AKAIN1: variants seen among roughly 807,000 people sequenced by gnomAD.
The protein encoded by AKAIN1 is A-kinase anchor inhibitor 1, also known as A-kinase anchor protein inhibitor 1.
Under a neutral mutation model 3.7 loss-of-function variants are expected in AKAIN1, and 3 were observed. That is an observed-to-expected ratio of 0.82 (90% CI 0.37 to 2.12). AKAIN1 has a LOEUF of 2.12. Ranked by LOEUF, AKAIN1 falls within the 30% of genes most tolerant of loss-of-function variation. The pLI, the probability that AKAIN1 is intolerant of heterozygous loss-of-function variation, is 0.06. For missense variants in AKAIN1, 82 were observed against 82.7 expected (o/e 0.99, Z 0.03); for synonymous variants, 31 against 30.8 (o/e 1.01, Z -0.02).
chr18:5,152,160 C>T (rs528671784), intron 1 of AKAIN1, among the ~76,000 whole-genome samples: 10 of 152,312 alleles, frequency 6.6e-5, no homozygotes, highest in South Asian at 2.1e-4. Context: ...AGTCAGGCTG[C>T]GCTCTGGCCC....
Position 5,143,748 on chromosome 18 carries a change from A to G in AKAIN1, c.*1814T>C, listed in dbSNP as rs1189826400. On this transcript the variant is annotated 3_prime_UTR_variant, in exon 2 of 2. Transcript: ENST00000434239. ...ACACAGAGGTCAATAAGATGTTCCA[A>G]AAATTCCCAATTTTTTAGTACAGAC... Among the ~76,000 whole-genome samples the G allele has an allele frequency of 6.6e-6, 1 of 152,232 alleles. No individual in the cohort carries two copies. The highest frequency in any genetic ancestry group is 1.5e-5 in the Non-Finnish European group (1 of 68,034).
intron 1 of AKAIN1, among the ~76,000 whole-genome samples, chr18:5,157,389 A>C (rs2071114208): frequency 6.6e-6 from 1 of 152,192 alleles, no homozygotes; most frequent in Non-Finnish European, 1.5e-5. Context: ...CACTGTCTCA[A>C]ACAGCAGCTG....
chr18:5,188,459 C>T (rs1305467851), intron 1 of AKAIN1, among the ~76,000 whole-genome samples: 3 of 152,032 alleles, frequency 2.0e-5, no homozygotes, highest in East Asian at 3.9e-4. Flanking sequence ...TAAACCTCTC[C>T]GTGCTGCCCA....
At position 5,197,141 on chromosome 18, in the gene AKAIN1, G is replaced by A. The variant is rs1567882347; in HGVS notation, c.-88C>T. 6.5e-7 allele frequency: 1 copy of A among 1,534,792 alleles called. No homozygotes were observed. Among genetic ancestry groups the A allele is most frequent in the Non-Finnish European group, 8.8e-7 (1 of 1,142,510 alleles). ...AGAAGGCCGGACTTGGCGGGGTCCG[G>A]TGCAGGAGGGCGCGCTGGGCGGGCG... is the stretch of plus-strand genomic sequence containing the variant. On this transcript the variant is annotated 5_prime_UTR_variant, in exon 1 of 2. Transcript: ENST00000434239. This position sits in a 1 kb window ranked among gnomAD's most constrained non-coding sequence, Gnocchi z 6.9.
intron 1 of AKAIN1, among the ~76,000 whole-genome samples, chr18:5,191,625 T>C (rs768306000): frequency 1.3e-5 from 2 of 152,084 alleles, no homozygotes; most frequent in Non-Finnish European, 2.9e-5. Flanking sequence ...TATGTAGATA[T>C]AGGCAACCTG....
At chr18:5,186,148 A>C (rs1430191337) in intron 1 of AKAIN1, among the ~76,000 whole-genome samples, 1 of 152,124 alleles carries the variant, frequency 6.6e-6, no homozygotes, top group Non-Finnish European at 1.5e-5. Context: ...GCATGTTCTC[A>C]GTTATAAGTG....
rs145678445 is a variant in AKAIN1, at chr18:5,145,047, A to C, written c.*515T>G. Among the ~76,000 whole-genome samples the C allele has an allele frequency of 6.7e-3, 1,027 of 152,252 alleles. 31 individuals carry two copies. The highest frequency in any genetic ancestry group is 0.054 in the Admixed American group (825 of 15,288). On this transcript the variant is annotated 3_prime_UTR_variant, in exon 2 of 2. Transcript: ENST00000434239. ...TGGTCCCGAGGGACTCAGCCTTAGA[A>C]TTTCCCTTTTCTTAATTTGATCTTA...
intron 1 of AKAIN1, among the ~76,000 whole-genome samples, chr18:5,195,925 C>T (rs1458036915): frequency 2.6e-5 from 4 of 152,282 alleles, no homozygotes; most frequent in Admixed American, 2.6e-4. Context: ...TCATCCCTCC[C>T]TCCCCAGCTA....
intron 1 of AKAIN1, among the ~76,000 whole-genome samples, chr18:5,161,818 C>A (rs2071140963): frequency 6.6e-6 from 1 of 152,096 alleles, no homozygotes; most frequent in African/African-American, 2.4e-5. Flanking sequence ...ATTAATATTG[C>A]AAAGCACACT....
chr18:5,165,472 G>T (rs1247970618), intron 1 of AKAIN1, among the ~76,000 whole-genome samples: 1 of 151,928 alleles, frequency 6.6e-6, no homozygotes, highest in Non-Finnish European at 1.5e-5. Context: ...AACACAGTAA[G>T]AAAATAATGA....
intron 1 of AKAIN1, among the ~76,000 whole-genome samples, chr18:5,192,433 C>CTTTCTTTCTTT (rs1567881029): frequency 1.7e-5 from 2 of 116,032 alleles, no homozygotes; most frequent in Non-Finnish European, 3.8e-5. Context: ...TTCTTTCTTT[C>CTTTCTTTCTTT]TTTCTTTCTT....
intron 1 of AKAIN1, among the ~76,000 whole-genome samples, chr18:5,188,726 G>T (rs1275583399): frequency 6.6e-6 from 1 of 152,018 alleles, no homozygotes; most frequent in Non-Finnish European, 1.5e-5. Context: ...AGTGATATGT[G>T]GCAAAATTAA....
intron 1 of AKAIN1, among the ~76,000 whole-genome samples, chr18:5,149,048 A>G (rs939871562): frequency 2.0e-5 from 3 of 152,172 alleles, no homozygotes; most frequent in African/African-American, 4.8e-5. Context: ...ACCACTGTAC[A>G]GTGTATAAGT....
intron 1 of AKAIN1, among the ~76,000 whole-genome samples, chr18:5,168,709 G>C (rs2143343588): frequency 6.6e-6 from 1 of 152,012 alleles, no homozygotes; most frequent in South Asian, 2.1e-4. Context: ...ATCCCTTCAA[G>C]AGCTTAAAAC....
chr18:5,163,347 T>C (rs1468039733), intron 1 of AKAIN1, among the ~76,000 whole-genome samples: 1 of 152,082 alleles, frequency 6.6e-6, no homozygotes, highest in Non-Finnish European at 1.5e-5. Flanking sequence ...ATCTATCCCC[T>C]CTCCAGGCCT....
At chr18:5,182,967 T>C (rs2071266913) in intron 1 of AKAIN1, among the ~76,000 whole-genome samples, 1 of 152,056 alleles carries the variant, frequency 6.6e-6, no homozygotes, top group East Asian at 1.9e-4. Flanking sequence ...GACACCAGTT[T>C]TACCTAGTGC....
At chr18:5,149,602 G>A (rs1365802867) in intron 1 of AKAIN1, among the ~76,000 whole-genome samples, 1 of 152,128 alleles carries the variant, frequency 6.6e-6, no homozygotes, top group Non-Finnish European at 1.5e-5. Context: ...GAGTCTCTCT[G>A]ACTTTATGCA....
intron 1 of AKAIN1, among the ~76,000 whole-genome samples, chr18:5,157,289 A>AC (rs1438361176): frequency 6.6e-6 from 1 of 152,232 alleles, no homozygotes; most frequent in Non-Finnish European, 1.5e-5. Context: ...TGGTGTCCAG[A>AC]CACAGAACCC....
intron 1 of AKAIN1, among the ~76,000 whole-genome samples, chr18:5,192,441 C>CTTTCTTTCT (rs1567881057): frequency 1.6e-3 from 162 of 101,486 alleles, no homozygotes; most frequent in East Asian, 0.012. Flanking sequence ...TTCTTTCTTT[C>CTTTCTTTCT]TTTCTTTTTC....
Sources: gnomAD v4.1 joint callset for allele counts (sites outside exome capture counted in the v4.1 genomes callset) on GRCh38, gnomAD v4.1.1 for gene constraint, Gnocchi (gnomAD v3.1) non-coding constraint, MANE v1.5 for transcripts, NCBI Gene and HGNC (gene_info 2026-07-23, HGNC 2026-07-21) for gene names.